The following SEMA5B variants were observed in gnomAD, a reference collection of about 807,000 sequenced individuals.
The protein encoded by SEMA5B is semaphorin-5B.
SEMA5B carries 66 observed loss-of-function variants against 135.0 expected under a neutral mutation model. That is an observed-to-expected ratio of 0.49 (90% CI 0.40 to 0.60). SEMA5B has a LOEUF of 0.60. Among genes scored for constraint, SEMA5B ranks in the 20% least tolerant of loss-of-function variants. SEMA5B has a pLI of 0.00. For missense variants in SEMA5B, 1,501 were observed against 1,566.3 expected (o/e 0.96, Z 0.70); for synonymous variants, 690 against 639.5 (o/e 1.08, Z -1.19).
intron 2 of SEMA5B, among the ~76,000 whole-genome samples, chr3:122,953,269 C>T (rs771250347): frequency 3.3e-4 from 50 of 152,136 alleles, no homozygotes; most frequent in Admixed American, 1.4e-3. Context: ...TCTGCCTCCC[C>T]GCCCCAGGTC....
chr3:122,919,192 CA>C (rs1268737708), intron 12 of SEMA5B, among the ~76,000 whole-genome samples: 3 of 151,794 alleles, frequency 2.0e-5, no homozygotes, highest in South Asian at 4.2e-4. Context: ...AGCTTGTGAG[CA>C]AAAAAATGGC....
chr3:122,919,153 G>T lies in SEMA5B; in HGVS notation c.1688+2762C>A, dbSNP rs1303003118. ...GTGGTGTAGTAGTCTCACAGTGGGA[G>T]CTGTCCAGGGTGGAAAAGGTATCTC... On this transcript the variant is annotated intron_variant, in intron 12 of 22. Transcript: ENST00000357599. 6.6e-5 allele frequency among the ~76,000 whole-genome samples: 10 copies of T among 152,188 alleles called. No homozygotes were observed. The East Asian group carries it at 1.5e-3, about 24-fold the overall frequency.
intron 4 of SEMA5B, among the ~76,000 whole-genome samples, chr3:122,941,432 C>T (rs1405206296): frequency 6.6e-6 from 1 of 152,214 alleles, no homozygotes; most frequent in Non-Finnish European, 1.5e-5. Context: ...CACAGGGTAA[C>T]ATAACCTCTC....
intron 17 of SEMA5B, 21 bp downstream of exon 17, chr3:122,913,178 G>C (rs763854082): frequency 3.9e-6 from 6 of 1,536,316 alleles, no homozygotes; most frequent in Non-Finnish European, 5.2e-6. Context: ...GAGGAAGGAG[G>C]GGGCGCCGGG....
rs1301996282 is a variant in SEMA5B at position 122,943,658 on chromosome 3, C to A, written c.329-123G>T. 7.7e-6 allele frequency: 5 copies of A among 648,972 alleles called. No individual in the cohort carries two copies. The Admixed American group carries it at 1.1e-4, about 14-fold the overall frequency. 40.2% of individuals were successfully genotyped at this position (648,972 alleles called of 1,614,324 possible). ...AAGTGGGGCGGTGGCACCCGGGAGA[C>A]CTGGTGCCACCTGCCCACCTCTGTG... On this transcript the variant is annotated intron_variant, in intron 3 of 22. Transcript: ENST00000357599.
chr3:122,957,339 G>C (rs1489358623), intron 2 of SEMA5B, among the ~76,000 whole-genome samples: 1 of 152,180 alleles, frequency 6.6e-6, no homozygotes, highest in Non-Finnish European at 1.5e-5. Context: ...CCAATTTGCA[G>C]CCTTGTGGAG....
chr3:122,928,628 G>A lies in SEMA5B; in HGVS notation c.538-13C>T. ...TCTGACACTCCTCCTGAGGCAGGAA[G>A]GAAAGGAGCAGACAGCACAGCTCTC... is the stretch of plus-strand genomic sequence containing the variant. On this transcript the variant is annotated splice_polypyrimidine_tract_variant and intron_variant, in intron 6 of 22. Transcript: ENST00000357599. The A allele has an allele frequency of 6.5e-7, 1 of 1,546,316 alleles. No homozygotes were observed. Among genetic ancestry groups the A allele is most frequent in the Non-Finnish European group, 8.8e-7 (1 of 1,142,096 alleles).
intron 2 of SEMA5B, among the ~76,000 whole-genome samples, chr3:122,956,804 T>G (rs1027324843): frequency 6.6e-6 from 1 of 151,906 alleles, no homozygotes; most frequent in South Asian, 2.1e-4. Context: ...GATGCATGGG[T>G]AGAGCAGCGG....
chr3:122,987,398 G>A (rs553439169), intron 1 of SEMA5B, among the ~76,000 whole-genome samples: 2 of 152,350 alleles, frequency 1.3e-5, no homozygotes, highest in East Asian at 3.9e-4. Context: ...GGGCAGGCAG[G>A]ATTCTTATCC....
chr3:122,960,859 T>G (rs978743266), intron 2 of SEMA5B, among the ~76,000 whole-genome samples: 1 of 152,116 alleles, frequency 6.6e-6, no homozygotes, highest in Non-Finnish European at 1.5e-5. Flanking sequence ...CAGTTTCAGT[T>G]TTGCAAGATG....
At chr3:123,016,697 C>T (rs1942566769) in intron 1 of SEMA5B, among the ~76,000 whole-genome samples, 1 of 151,976 alleles carries the variant, frequency 6.6e-6, no homozygotes, top group Non-Finnish European at 1.5e-5. Context: ...GCCTCAGCCT[C>T]CCAAGCAGCC....
At chr3:122,941,819 T>C (rs1939576408) in intron 4 of SEMA5B, among the ~76,000 whole-genome samples, 1 of 152,266 alleles carries the variant, frequency 6.6e-6, no homozygotes, top group African/African-American at 2.4e-5. Flanking sequence ...CCTACAGTTA[T>C]GCAAGATGTT....
chr3:122,976,187 T>TCTCAAAATGTGCTC, intron 1 of SEMA5B: 1 of 1,512,604 alleles, frequency 6.6e-7, no homozygotes, highest in South Asian at 1.2e-5. Context: ...AAGAAGTGCT[T>TCTCAAAATGTGCTC]CTCAAAATGT....
At position 122,915,464 on chromosome 3, in the gene SEMA5B, G is replaced by A. The variant is rs1025612235; in HGVS notation, c.1964C>T (p.Ala655Val). 2 of 1,612,252 alleles carry A rather than the reference G, an allele frequency of 1.2e-6. No individual in the cohort carries two copies. Among genetic ancestry groups the A allele is most frequent in the Admixed American group, 3.3e-5 (2 of 59,854 alleles). Residue 655 changes from alanine to valine, a missense_variant, in exon 14 of 23, where the codon GCC becomes GTC. Physicochemically the swap from Ala to Val is moderately conservative, Grantham distance 64. Around this residue, in one of 2 missense-constraint regions of SEMA5B, gnomAD observed 927 missense variants for 881.6 expected, o/e 1.05. Coordinates refer to ENST00000357599, the MANE Select transcript of SEMA5B (RefSeq NM_001031702.4). ...CCTGGAGCAGTTGGCGATGTGGATG[G>A]CTGGCCCCAGGCAGTCAAGGCCCCC... ...RCGGLDCLGP[A>V]IHIANCSRNG...
chr3:122,948,737 A>C, intron 2 of SEMA5B, 28 bp from the exon 3 acceptor site: 1 of 1,553,584 alleles, frequency 6.4e-7, no homozygotes, highest in South Asian at 1.2e-5. Flanking sequence ...AGTCTCACCA[A>C]GCGCTCCCTC....
At chr3:122,926,825 A>T (rs184788330) in intron 8 of SEMA5B, 148 bp from the exon 9 acceptor site, 27 of 830,050 alleles carry the variant, frequency 3.3e-5, no homozygotes, top group Admixed American at 5.2e-5. Context: ...GGCCCTAACT[A>T]ACTCTCTTCC....
chr3:122,973,669 T>C (rs1941208472), intron 1 of SEMA5B, among the ~76,000 whole-genome samples: 1 of 152,070 alleles, frequency 6.6e-6, no homozygotes, highest in African/African-American at 2.4e-5. Flanking sequence ...GGGGTCTGTG[T>C]TGGAGCTGAA....
At chr3:122,920,101 T>C (rs1237097391) in intron 12 of SEMA5B, among the ~76,000 whole-genome samples, 1 of 152,210 alleles carries the variant, frequency 6.6e-6, no homozygotes, top group African/African-American at 2.4e-5. Flanking sequence ...CACTGTCTGA[T>C]TGATCTTTTC....
intron 5 of SEMA5B, among the ~76,000 whole-genome samples, chr3:122,937,609 G>A (rs1939355140): frequency 6.6e-6 from 1 of 152,128 alleles, no homozygotes. Flanking sequence ...CTTGTCTGTA[G>A]GGCCCTTCAG....
Sources: allele counts gnomAD v4.1 joint callset (sites outside exome capture counted in the v4.1 genomes callset), GRCh38; gene constraint gnomAD v4.1.1; regional missense constraint gnomAD v4.1.1; transcripts MANE v1.5; gene names NCBI Gene and HGNC (gene_info 2026-07-23, HGNC 2026-07-21).